Variants in STK3 observed in about 807,000 individuals in gnomAD.
The protein encoded by STK3 is serine/threonine kinase 3.
Under a neutral mutation model 58.0 loss-of-function variants are expected in STK3, and 41 were observed. The ratio of observed to expected loss-of-function variants is 0.71; its 90% CI spans 0.55 to 0.92. STK3 has a LOEUF of 0.92. STK3 is among the 40% of genes least tolerant of loss of function. The pLI is 0.00. For synonymous variants in STK3, 170 were observed against 191.0 expected (o/e 0.89, Z 0.91); for missense variants, 479 against 602.7 (o/e 0.79, Z 2.15).
chr8:98,875,243 G>C (rs1233948866), intron 3 of STK3: 2 of 152,160 alleles, frequency 1.3e-5, no homozygotes, highest in African/African-American at 4.8e-5. Flanking sequence ...AATATCTATA[G>C]TAGCCAGGCA....
upstream of STK3, among the ~76,000 whole-genome samples, chr8:98,828,958 G>A (rs1835428726): frequency 6.6e-6 from 1 of 152,192 alleles, no homozygotes. Context: ...GCACTGGGCT[G>A]GATAGCATCC....
chr8:98,701,204 G>A (rs1459699151), intron 6 of STK3, among the ~76,000 whole-genome samples: 3 of 150,236 alleles, frequency 2.0e-5, no homozygotes, highest in African/African-American at 7.4e-5. Flanking sequence ...GAGGGAGGGA[G>A]GGAAAAGAAA....
rs1812780361 is a variant in STK3 at position 98,569,495 on chromosome 8, A to T, written c.948+10169T>A. 2.6e-5 allele frequency among the ~76,000 whole-genome samples: 4 copies of T among 152,066 alleles called. 1 individual carries two copies. In the South Asian group the frequency reaches 8.3e-4, roughly 32 times the overall value. On this transcript the variant is annotated intron_variant, in intron 8 of 10. Transcript: ENST00000419617. ...AGGGATGAATCAATAAAAAAAAAAA[A>T]GTACGGCATTAATAAATTGTGTTTG... is the stretch of plus-strand genomic sequence containing the variant.
chr8:98,553,982 C>T (rs1289168323), intron 8 of STK3, among the ~76,000 whole-genome samples: 1 of 151,518 alleles, frequency 6.6e-6, no homozygotes, highest in Non-Finnish European at 1.5e-5. Context: ...CTCTTATTAA[C>T]CCTCAGAGGT....
intron 4 of STK3, among the ~76,000 whole-genome samples, chr8:98,712,906 T>C (rs1033748715): frequency 2.0e-5 from 3 of 152,146 alleles, no homozygotes; most frequent in East Asian, 1.9e-4. Flanking sequence ...TCAGCAAATG[T>C]AAAAGAACAG....
intron 6 of STK3, among the ~76,000 whole-genome samples, chr8:98,661,122 A>G (rs960747881): frequency 6.6e-6 from 1 of 152,080 alleles, no homozygotes; most frequent in Non-Finnish European, 1.5e-5. Context: ...CACTCCTACC[A>G]TAAGTATAAA....
chr8:98,742,834 T>C (rs1044020359), intron 4 of STK3, among the ~76,000 whole-genome samples: 5 of 151,974 alleles, frequency 3.3e-5, no homozygotes, highest in African/African-American at 7.3e-5. Context: ...GAAAACCCCA[T>C]TGTCTTAGCC....
chr8:98,770,980 T>C (rs990659688), intron 2 of STK3, among the ~76,000 whole-genome samples: 1 of 149,600 alleles, frequency 6.7e-6, no homozygotes, highest in Non-Finnish European at 1.5e-5. Context: ...TATAAAACAG[T>C]GTTTAATACA....
intron 3 of STK3, among the ~76,000 whole-genome samples, chr8:98,764,554 AAGT>A (rs1298039961): frequency 6.6e-6 from 1 of 152,236 alleles, no homozygotes. Flanking sequence ...CTAAAAGACT[AAGT>A]AGATGATGAT....
chr8:98,609,602 T>C (rs1357696441), intron 6 of STK3, among the ~76,000 whole-genome samples: 1 of 151,972 alleles, frequency 6.6e-6, no homozygotes, highest in African/African-American at 2.4e-5. Context: ...ATAAAATAGA[T>C]TGAAAAATAA....
At chr8:98,686,081 C>T (rs1263794841) in intron 6 of STK3, among the ~76,000 whole-genome samples, 1 of 152,140 alleles carries the variant, frequency 6.6e-6, no homozygotes. Context: ...AAACAGAAAT[C>T]TAAATGATTC....
In STK3 at chr8:98,772,730, C is replaced by T. The variant is rs192864657; in HGVS notation, c.107+2009G>A. Among the ~76,000 whole-genome samples, 534 of 152,018 alleles carry T rather than the reference C, an allele frequency of 3.5e-3. 4 individuals carry two copies. The highest frequency in any genetic ancestry group is 4.7e-3 in the Non-Finnish European group (317 of 67,922). ...TTTAAAATAAAAAAAAATAAAACTGCGTGGCACCTCCCCTGCCCTATCTTG... is the reference window on the plus strand; with the variant it reads ...TTTAAAATAAAAAAAAATAAAACTGTGTGGCACCTCCCCTGCCCTATCTTG... On this transcript the variant is annotated intron_variant, in intron 2 of 10. Transcript: ENST00000419617.
chr8:98,674,582 C>T (rs538140115), intron 6 of STK3, among the ~76,000 whole-genome samples: 1 of 152,140 alleles, frequency 6.6e-6, no homozygotes, highest in East Asian at 1.9e-4. Context: ...CACATTTATA[C>T]TATAGTTTAA....
Position 98,698,760 on chromosome 8 carries a change from T to A in STK3, c.684+7707A>T, listed in dbSNP as rs1438708622. On this transcript the variant is annotated intron_variant, in intron 6 of 10. Coordinates refer to ENST00000419617, the MANE Select transcript of STK3 (RefSeq NM_006281.4). Reference sequence around the variant, plus strand: ...TGTTAGTCTGATGGGCTTCCCTTTGTGGGTAACCCGACCTTTCTCTCTGGC... The same window carrying A: ...TGTTAGTCTGATGGGCTTCCCTTTGAGGGTAACCCGACCTTTCTCTCTGGC... 6.6e-5 allele frequency among the ~76,000 whole-genome samples: 10 copies of A among 152,264 alleles called. 1 individual carries two copies. The South Asian group carries it at 1.0e-3, about 16-fold the overall frequency.
chr8:98,622,205 G>A (rs6982803), intron 6 of STK3, among the ~76,000 whole-genome samples: 276 of 151,026 alleles, frequency 1.8e-3, no homozygotes, highest in African/African-American at 6.2e-3. Context: ...GGAGGCAGAT[G>A]TTGCAGTGAG....
chr8:98,801,341 A>C (rs549183981), intron 1 of STK3, among the ~76,000 whole-genome samples: 25 of 152,202 alleles, frequency 1.6e-4, no homozygotes, highest in African/African-American at 6.0e-4. Context: ...AAGGGAATAA[A>C]AGCAAGCTGC....
chr8:98,355,249 T>C, the STK3 span, among the ~76,000 whole-genome samples: 7 of 152,342 alleles, frequency 4.6e-5, no homozygotes, highest in East Asian at 1.3e-3. Flanking sequence ...AAGATGAGGC[T>C]GGAATTTTCT....
intron 6 of STK3, among the ~76,000 whole-genome samples, chr8:98,643,191 T>C (rs911425150): frequency 1.3e-5 from 2 of 152,208 alleles, no homozygotes; most frequent in Non-Finnish European, 2.9e-5. Flanking sequence ...TGCTCTCCAC[T>C]GCCCTCCAGC....
downstream of STK3, among the ~76,000 whole-genome samples, chr8:98,368,552 A>G (rs181845347): frequency 6.6e-6 from 1 of 152,268 alleles, no homozygotes; most frequent in Admixed American, 6.5e-5. Flanking sequence ...TGACTTGCAT[A>G]TGCACCCACA....
Sources: allele counts gnomAD v4.1 joint callset (sites outside exome capture counted in the v4.1 genomes callset), GRCh38; gene constraint gnomAD v4.1.1; transcripts MANE v1.5; gene names NCBI Gene and HGNC (gene_info 2026-07-23, HGNC 2026-07-21).